Variants in CCDC28A observed in about 807,000 individuals in gnomAD.
The protein encoded by CCDC28A is coiled-coil domain-containing protein 28A.
Under a neutral mutation model 22.1 loss-of-function variants are expected in CCDC28A, and 24 were observed. The observed-to-expected ratio is 1.09, with a 90% confidence interval of 0.79 to 1.53. The LOEUF is 1.53. Ranked by LOEUF, CCDC28A falls within the 40% of genes most tolerant of loss-of-function variation. The pLI, the probability that CCDC28A is intolerant of heterozygous loss-of-function variation, is 0.00. For synonymous variants in CCDC28A, 83 were observed against 74.7 expected (o/e 1.11, Z -0.57); for missense variants, 170 against 210.7 (o/e 0.81, Z 1.20).
At chr6:138,778,982 G>A (rs1019622708) in intron 2 of CCDC28A, among the ~76,000 whole-genome samples, 1 of 152,148 alleles carries the variant, frequency 6.6e-6, no homozygotes, top group African/African-American at 2.4e-5. Flanking sequence ...TGGCCAGGTT[G>A]GTCTTGAACT....
chr6:138,774,936 TTTTTGTTTTG>T (rs369968469), intron 1 of CCDC28A, among the ~76,000 whole-genome samples: 74 of 151,982 alleles, frequency 4.9e-4, no homozygotes, highest in Admixed American at 2.4e-3. Context: ...GGAAGGGGTT[TTTTTGTTTTG>T]TTTTGTTTTG....
chr6:138,792,705 A>G, intron 5 of CCDC28A, 44 bp from the exon 6 acceptor site: 1 of 1,183,144 alleles, frequency 8.5e-7, no homozygotes, highest in Non-Finnish European at 1.3e-6. Flanking sequence ...ATGTAAAAGA[A>G]GTACCCCTTA....
At position 138,783,363 on chromosome 6, in the gene CCDC28A, A is replaced by G. The variant is rs139196325; in HGVS notation, c.323-1864A>G. On this transcript the variant is annotated intron_variant, in intron 3 of 5. Coordinates refer to ENST00000617445, the MANE Select transcript of CCDC28A (RefSeq NM_015439.3). ...GCTCACTGCAGCCTCGGCCTCCTTGAGCTCAAGCCATCCTCCCACCTCAGC... is the reference window on the plus strand; with the variant it reads ...GCTCACTGCAGCCTCGGCCTCCTTGGGCTCAAGCCATCCTCCCACCTCAGC... 2.1e-3 allele frequency among the ~76,000 whole-genome samples: 307 copies of G among 142,994 alleles called. 2 individuals are homozygous for G. The highest frequency in any genetic ancestry group is 7.8e-3 in the African/African-American group (296 of 38,088). 93.8% of individuals were successfully genotyped at this position (142,994 alleles called of 152,430 possible).
At chr6:138,786,842 C>T (rs1775100879) in intron 4 of CCDC28A, among the ~76,000 whole-genome samples, 1 of 152,206 alleles carries the variant, frequency 6.6e-6, no homozygotes, top group African/African-American at 2.4e-5. Context: ...TCTTGAACTC[C>T]TGGACTCAAG....
rs1339172139 is a variant in CCDC28A at position 138,792,904 on chromosome 6, A to G, written c.*101A>G. 1.4e-6 allele frequency: 1 copy of G among 727,154 alleles called. No homozygotes were observed. The highest frequency in any genetic ancestry group is 2.7e-5 in the East Asian group (1 of 36,884). The allele number at this position is 727,154 out of a possible 1,614,324, so 45.0% of individuals were successfully genotyped here. ...GAATCATCTTCCACAACAAGGAATT[A>G]AAGTAATTAAAGTGCAAGTTCAATG... On this transcript the variant is annotated 3_prime_UTR_variant, in exon 6 of 6. Transcript: ENST00000617445.
chr6:138,782,881 A>C (rs1775040031), intron 3 of CCDC28A, among the ~76,000 whole-genome samples: 1 of 152,180 alleles, frequency 6.6e-6, no homozygotes, highest in African/African-American at 2.4e-5. Flanking sequence ...TATTTAGGAT[A>C]TGTACTTCAA....
intron 1 of CCDC28A, among the ~76,000 whole-genome samples, chr6:138,774,185 G>C: frequency 6.6e-6 from 1 of 152,198 alleles, no homozygotes. Context: ...GTGCTCTTGT[G>C]ACAGATGTAA....
chr6:138,776,253 A>G lies in CCDC28A; in HGVS notation c.133A>G (p.Thr45Ala), dbSNP rs765500176. The G allele has an allele frequency of 2.5e-5, 41 of 1,613,906 alleles. No homozygotes were observed. In the African/African-American group the frequency reaches 5.1e-4, roughly 20 times the overall value. ...TGFSNPASQS[T>A]SQRPKLKRVM... ...GTTTTCAAATCCTGCATCACAGTCA[A>G]CTTCACAGCGACCAAAGTTAAAAAG... Residue 45 changes from threonine (T) to alanine (A), a missense_variant, in exon 2 of 6, where the codon ACT (threonine) becomes GCT (alanine). Thr to Ala is a moderately conservative substitution (Grantham distance 58, BLOSUM62 0). Transcript: ENST00000617445.
At chr6:138,779,777 T>A in intron 2 of CCDC28A, 45 bp from the exon 3 acceptor site, 1 of 1,453,576 alleles carries the variant, frequency 6.9e-7, no homozygotes, top group Non-Finnish European at 9.2e-7. Flanking sequence ...AGCAAAAGCT[T>A]AATCTAGAAT....
At position 138,793,179 on chromosome 6, in the gene CCDC28A, C is replaced by T. The variant is rs139256108; in HGVS notation, c.*376C>T. 4 of 195,974 alleles carry T rather than the reference C, an allele frequency of 2.0e-5. No individual in the cohort carries two copies. The highest frequency in any genetic ancestry group is 3.0e-4 in the East Asian group (2 of 6,664). The allele number at this position is 195,974 out of a possible 1,614,324, so 12.1% of individuals were successfully genotyped here. ...TGATCGCAAGCTGTTGATGCACAGG[C>T]GTCTTGTGGCAAGCCCAGCTTCAGT... On this transcript the variant is annotated 3_prime_UTR_variant, in exon 6 of 6. Transcript: ENST00000617445.
At position 138,776,185 on chromosome 6, in the gene CCDC28A, T is replaced by TCA. The variant is rs1200109197; in HGVS notation, c.66_67dup (p.Asn23ThrfsTer10). ...TTTAGTGCCCACTGTACTCAGGTTGTCAATGCCAAAAAAAATGCCATTCCA... is the reference window on the plus strand; with the variant it reads ...TTTAGTGCCCACTGTACTCAGGTTGTCACAATGCCAAAAAAAATGCCATTCCA... On this transcript the variant is annotated frameshift_variant, in exon 2 of 6. Coordinates refer to ENST00000617445, the MANE Select transcript of CCDC28A (RefSeq NM_015439.3). LOFTEE classifies it high-confidence loss of function. 9 of 1,614,034 alleles carry TCA rather than the reference T, an allele frequency of 5.6e-6. No individual in the cohort carries two copies. In the East Asian group the frequency reaches 1.8e-4, roughly 32 times the overall value.
In CCDC28A at chr6:138,792,810, A is replaced by C; in HGVS notation, c.*7A>C. The stretch of plus-strand genomic sequence containing the variant: ...AAATACTTCTGCTAGCTAAAATGAA[A>C]TGTAGTTTGCTTTCTTGTGATTTGA... On this transcript the variant is annotated 3_prime_UTR_variant, in exon 6 of 6. Coordinates refer to ENST00000617445, the MANE Select transcript of CCDC28A (RefSeq NM_015439.3). 1 of 1,598,846 alleles carries C rather than the reference A, an allele frequency of 6.3e-7. No homozygotes were observed.
At chr6:138,777,258 G>C (rs192562545) in intron 2 of CCDC28A, among the ~76,000 whole-genome samples, 9 of 152,214 alleles carry the variant, frequency 5.9e-5, no homozygotes, top group Admixed American at 3.3e-4. Context: ...CCTTGATGAT[G>C]ATCTCTCTTT....
At chr6:138,782,353 C>T (rs1275488666) in intron 3 of CCDC28A, among the ~76,000 whole-genome samples, 1 of 152,132 alleles carries the variant, frequency 6.6e-6, no homozygotes, top group African/African-American at 2.4e-5. Context: ...AGGCATTTTC[C>T]AGGATATGCT....
At chr6:138,779,029 A>G (rs1774979015) in intron 2 of CCDC28A, among the ~76,000 whole-genome samples, 1 of 152,150 alleles carries the variant, frequency 6.6e-6, no homozygotes, top group African/African-American at 2.4e-5. Flanking sequence ...GGGCCTCCCA[A>G]AGTGTTGGAA....
At chr6:138,777,412 A>C (rs1299134132) in intron 2 of CCDC28A, among the ~76,000 whole-genome samples, 1 of 152,266 alleles carries the variant, frequency 6.6e-6, no homozygotes, top group African/African-American at 2.4e-5. Flanking sequence ...GAGTTTAATT[A>C]GGGTCAGATT....
chr6:138,783,509 C>T (rs1214101863), intron 3 of CCDC28A, among the ~76,000 whole-genome samples: 2 of 150,770 alleles, frequency 1.3e-5, no homozygotes, highest in Non-Finnish European at 3.0e-5. Flanking sequence ...GCGATCTCTG[C>T]TCACTGCAAG....
At chr6:138,785,746 A>C (rs1028106054) in intron 4 of CCDC28A, among the ~76,000 whole-genome samples, 2 of 152,218 alleles carry the variant, frequency 1.3e-5, no homozygotes, top group African/African-American at 4.8e-5. Context: ...GTATTCCAAC[A>C]AAGTTATCGT....
chr6:138,776,570 TGAAA>T (rs1774937221), intron 2 of CCDC28A, among the ~76,000 whole-genome samples: 1 of 152,160 alleles, frequency 6.6e-6, no homozygotes, highest in Non-Finnish European at 1.5e-5. Flanking sequence ...AGTGAAAAAG[TGAAA>T]GAAAGTCAGC....
Sources: allele counts gnomAD v4.1 joint callset (sites outside exome capture counted in the v4.1 genomes callset), GRCh38; gene constraint gnomAD v4.1.1; transcripts MANE v1.5; gene names NCBI Gene and HGNC (gene_info 2026-07-23, HGNC 2026-07-21).